OXR1: variants seen among roughly 807,000 people sequenced by gnomAD.
OXR1 encodes the protein oxidation resistance 1.
A neutral mutation model predicts 104.6 loss-of-function variants in OXR1; 41 were observed. The observed-to-expected ratio is 0.39, with a 90% CI of 0.31 to 0.51. OXR1 has a LOEUF of 0.51. Among genes scored for constraint, OXR1 ranks in the 20% least tolerant of loss-of-function variants. The probability of loss-of-function intolerance (pLI) is 0.77; values close to 1 mark genes in which losing one functional copy is unlikely to be tolerated. For missense variants in OXR1, 955 were observed against 1,031.9 expected (o/e 0.93, Z 1.02); for synonymous variants, 348 against 348.4 (o/e 1.00, Z 0.01).
At chr8:106,639,230 A>G (rs1244689905) in intron 3 of OXR1, among the ~76,000 whole-genome samples, 2 of 152,102 alleles carry the variant, frequency 1.3e-5, no homozygotes, top group Non-Finnish European at 2.9e-5. Context: ...TTCATTTTAA[A>G]TTTCAGTCTG....
chr8:106,505,042 G>T (rs1453219), intron 2 of OXR1, among the ~76,000 whole-genome samples: 16,405 of 152,206 alleles, frequency 0.11, 1,007 homozygotes, highest in African/African-American at 0.15. Flanking sequence ...TTCTTAAACT[G>T]TGTATTCAGT....
chr8:106,732,510 T>A (rs1036822592), intron 11 of OXR1, among the ~76,000 whole-genome samples: 2 of 152,188 alleles, frequency 1.3e-5, no homozygotes, highest in Non-Finnish European at 2.9e-5. Flanking sequence ...ATGTGTTGTA[T>A]TAACTGAATT....
intron 7 of OXR1, among the ~76,000 whole-genome samples, chr8:106,694,510 ATATT>A (rs1287890917): frequency 3.0e-4 from 41 of 134,880 alleles, no homozygotes; most frequent in African/African-American, 8.5e-4. Flanking sequence ...GTTTTTATAT[ATATT>A]TGATATATAA....
chr8:106,716,630 C>CAAAAAAAAA (rs760744812), intron 11 of OXR1, among the ~76,000 whole-genome samples: 1 of 71,474 alleles, frequency 1.4e-5, no homozygotes, highest in African/African-American at 4.3e-5. Context: ...GACTCCGTCT[C>CAAAAAAAAA]AAAAAAAAAA....
rs186604547 is a variant in OXR1, at chr8:106,751,254, G to A, written c.*313G>A. 28 of 193,704 alleles carry A rather than the reference G, an allele frequency of 1.4e-4. No individual in the cohort carries two copies. The Admixed American group carries it at 1.6e-3, about 11-fold the overall frequency. The allele number at this position is 193,704 out of a possible 1,614,324, so 12.0% of individuals were successfully genotyped here. ...TGTTACTCAGTTCCCTAATAGGATGGTGCTCTTTTGTTGAACCTGTATTGA... is the reference window on the plus strand; with the variant it reads ...TGTTACTCAGTTCCCTAATAGGATGATGCTCTTTTGTTGAACCTGTATTGA... On this transcript the variant is annotated 3_prime_UTR_variant, in exon 17 of 17. Transcript: ENST00000517566.
chr8:106,683,973 G>T (rs961018374), intron 5 of OXR1, among the ~76,000 whole-genome samples: 1 of 152,072 alleles, frequency 6.6e-6, no homozygotes, highest in Non-Finnish European at 1.5e-5. Flanking sequence ...TTTAAATTTT[G>T]CTAGCTATTG....
chr8:106,745,539 A>G (rs952864555), intron 15 of OXR1, among the ~76,000 whole-genome samples: 2 of 152,204 alleles, frequency 1.3e-5, no homozygotes, highest in African/African-American at 2.4e-5. Context: ...AGAAAGAAGT[A>G]TGTGTGAAAA....
chr8:106,671,963 T>C (rs963511252), intron 3 of OXR1, among the ~76,000 whole-genome samples: 2 of 136,432 alleles, frequency 1.5e-5, no homozygotes, highest in African/African-American at 2.7e-5. Context: ...GAACTTAAAG[T>C]ATAATAATAA....
chr8:106,441,361 A>T (rs111491432), intron 2 of OXR1, among the ~76,000 whole-genome samples: 41 of 152,306 alleles, frequency 2.7e-4, no homozygotes, highest in African/African-American at 7.5e-4. Flanking sequence ...TGATGCCTCC[A>T]GCTTTGCTCT....
At chr8:106,653,046 A>G (rs2131024600) in intron 3 of OXR1, among the ~76,000 whole-genome samples, 1 of 147,820 alleles carries the variant, frequency 6.8e-6, no homozygotes, top group East Asian at 2.0e-4. Flanking sequence ...AAAACTACCA[A>G]AACTGACTGA....
intron 2 of OXR1, among the ~76,000 whole-genome samples, chr8:106,465,528 G>A (rs1384616370): frequency 1.3e-5 from 2 of 151,996 alleles, no homozygotes; most frequent in African/African-American, 4.8e-5. Flanking sequence ...CTAAGGCAAA[G>A]CAGAGAGACC....
In OXR1 at chr8:106,527,822, T is replaced by C. The variant is rs1470735991; in HGVS notation, c.220+8683T>C. Among the ~76,000 whole-genome samples the C allele has an allele frequency of 2.6e-5, 4 of 152,240 alleles. No individual in the cohort carries two copies. The East Asian group carries it at 5.8e-4, about 22-fold the overall frequency. On this transcript the variant is annotated intron_variant, in intron 3 of 16. Coordinates refer to ENST00000517566, the MANE Select transcript of OXR1 (RefSeq NM_001198533.2). The stretch of plus-strand genomic sequence containing the variant: ...TTAAATGACTTATTCATGGTCCTAC[T>C]GTAAATAGTTTCAAAGCCAAGGGAA...
At chr8:106,401,520 A>G (rs1818001760) in intron 2 of OXR1, among the ~76,000 whole-genome samples, 1 of 152,110 alleles carries the variant, frequency 6.6e-6, no homozygotes, top group South Asian at 2.1e-4. Context: ...AAGGGCCTGC[A>G]CTGTAATTCA....
intron 6 of OXR1, among the ~76,000 whole-genome samples, chr8:106,692,004 C>CAT (rs1280291961): frequency 8.2e-5 from 11 of 134,214 alleles, no homozygotes; most frequent in East Asian, 4.3e-4. Flanking sequence ...CACACACACA[C>CAT]ATATATATAT....
chr8:106,618,279 A>G (rs1821408654), intron 3 of OXR1: 1 of 980,414 alleles, frequency 1.0e-6, no homozygotes, highest in African/African-American at 1.6e-5. Context: ...TGCATTTTCA[A>G]AGTCCAGATG....
At chr8:106,546,742 C>G (rs983915118) in intron 3 of OXR1, among the ~76,000 whole-genome samples, 10 of 152,334 alleles carry the variant, frequency 6.6e-5, no homozygotes, top group Non-Finnish European at 1.3e-4. Context: ...AGTTAACTTT[C>G]ATCTGCAGCT....
chr8:106,697,286 TAGGAC>T lies in OXR1; in HGVS notation c.675+4413_675+4417del, dbSNP rs1024979437. ...CTGCCAACAGGCACCTCAGAGGTGA[TAGGAC>T]AGGCTGAACCCCTCACCCTGACAGA... On this transcript the variant is annotated intron_variant, in intron 7 of 16. Transcript: ENST00000517566. 38 of 712,552 alleles carry T rather than the reference TAGGAC, an allele frequency of 5.3e-5. No individual in the cohort carries two copies. In the African/African-American group the frequency reaches 6.4e-4, roughly 12 times the overall value. The allele number at this position is 712,552 out of a possible 1,614,324, so 44.1% of individuals were successfully genotyped here.
At chr8:106,628,587 C>A (rs188145280) in intron 3 of OXR1, among the ~76,000 whole-genome samples, 132 of 152,228 alleles carry the variant, frequency 8.7e-4, no homozygotes, top group African/African-American at 2.9e-3. Context: ...TTTTTAAAAA[C>A]CATTACTATA....
chr8:106,741,617 T>A, intron 14 of OXR1, among the ~76,000 whole-genome samples: 1 of 152,152 alleles, frequency 6.6e-6, no homozygotes, highest in East Asian at 1.9e-4. Flanking sequence ...TCTGTCAGAC[T>A]CTCTGCACTC....
Sources: gnomAD v4.1 joint callset for allele counts (sites outside exome capture counted in the v4.1 genomes callset) on GRCh38, gnomAD v4.1.1 for gene constraint, MANE v1.5 for transcripts, NCBI Gene and HGNC (gene_info 2026-07-23, HGNC 2026-07-21) for gene names.